Variants in MGAM2 observed in about 807,000 individuals in gnomAD.
MGAM2 encodes probable maltase-glucoamylase 2.
Under a neutral mutation model 96.1 loss-of-function variants are expected in MGAM2, and 98 were observed. That is an observed-to-expected ratio of 1.02 (90% CI 0.87 to 1.21). MGAM2 has a LOEUF of 1.21. MGAM2 is among the 50% of genes most tolerant of loss of function. The pLI is 0.00. For synonymous variants in MGAM2, 749 were observed against 414.8 expected (o/e 1.81, Z -9.79); for missense variants, 2,055 against 1,182.4 (o/e 1.74, Z -10.82).
At chr7:142,179,413 G>A (rs2129093615) in intron 32 of MGAM2, among the ~76,000 whole-genome samples, 1 of 152,266 alleles carries the variant, frequency 6.6e-6, no homozygotes, top group Middle Eastern at 3.4e-3. Context: ...AGTGATGAGA[G>A]GGGGCATCCT....
At chr7:142,211,830 A>G (rs964961643) in intron 46 of MGAM2, among the ~76,000 whole-genome samples, 1 of 152,210 alleles carries the variant, frequency 6.6e-6, no homozygotes, top group African/African-American at 2.4e-5. Flanking sequence ...AAATTCAGGA[A>G]ATACAGAGAA....
At chr7:142,140,662 A>G in intron 10 of MGAM2, 140 bp from the exon 11 acceptor site, 1 of 554,278 alleles carries the variant, frequency 1.8e-6, no homozygotes, top group East Asian at 3.0e-5. Context: ...ATTTTCTCCT[A>G]AGAAGTAGCC....
At position 142,117,317 on chromosome 7, in the gene MGAM2, C is replaced by T. The variant is rs922148672; in HGVS notation, c.106+338C>T. Among the ~76,000 whole-genome samples the T allele has an allele frequency of 2.0e-5, 3 of 152,124 alleles. No homozygotes were observed. The South Asian group carries it at 6.2e-4, about 32-fold the overall frequency. On this transcript the variant is annotated intron_variant, in intron 2 of 47. Coordinates refer to ENST00000477922, the MANE Select transcript of MGAM2 (RefSeq NM_001293626.2). ...ACTGTTAAGCTAACAGTGCCCAGCC[C>T]CATTATATTATGGAAAAGGAAACTA...
Position 142,220,188 on chromosome 7 carries a change from A to T in MGAM2, c.5677A>T (p.Thr1893Ser), listed in dbSNP as rs1797877705. ...PFPTSTTNASTNATVPITTTP... is the reference protein window; with the variant it reads ...PFPTSTTNASSNATVPITTTP... Reference sequence around the variant, plus strand: ...CCCTACAAGTACTACTAATGCTAGCACTAATGCTACTGTTCCTATCACAAC... The same window carrying T: ...CCCTACAAGTACTACTAATGCTAGCTCTAATGCTACTGTTCCTATCACAAC... Residue 1893 changes from threonine to serine, a missense_variant, in exon 48 of 48, where the codon ACT (threonine) becomes TCT (serine). Thr to Ser is a moderately conservative substitution (Grantham distance 58, BLOSUM62 1). Coordinates refer to ENST00000477922, the MANE Select transcript of MGAM2 (RefSeq NM_001293626.2). 4.3e-6 allele frequency: 3 copies of T among 702,798 alleles called. No individual in the cohort carries two copies. The East Asian group carries it at 8.0e-5, about 19-fold the overall frequency. The allele number at this position is 702,798 out of a possible 1,614,324, so 43.5% of individuals were successfully genotyped here.
At chr7:142,113,136 T>C (rs1039766417) in intron 1 of MGAM2, among the ~76,000 whole-genome samples, 2 of 151,734 alleles carry the variant, frequency 1.3e-5, no homozygotes, top group African/African-American at 4.8e-5. Flanking sequence ...TGGGGAGGAG[T>C]TGAGAAGAGC....
Position 142,170,145 on chromosome 7 carries a change from A to ACCC in MGAM2, c.3099_3101dup (p.Pro1034dup), listed in dbSNP as rs1037916368. 4.3e-6 allele frequency: 3 copies of ACCC among 702,722 alleles called. No individual in the cohort carries two copies. The African/African-American group carries it at 5.2e-5, about 12-fold the overall frequency. 43.5% of individuals were successfully genotyped at this position (702,722 alleles called of 1,614,324 possible). ...AACACCCCTCCCCAACCAGTTGGTG[A>ACCC]CCCTGAAAACCGTCTGTATGATGTC... On this transcript the variant is annotated inframe_insertion, in exon 27 of 48. Coordinates refer to ENST00000477922, the MANE Select transcript of MGAM2 (RefSeq NM_001293626.2).
chr7:142,146,288 G>T (rs1010968669), intron 14 of MGAM2, among the ~76,000 whole-genome samples: 1 of 150,942 alleles, frequency 6.6e-6, no homozygotes, highest in Non-Finnish European at 1.5e-5. Flanking sequence ...TTTGCTCATA[G>T]CCAGGCAGCC....
In MGAM2 at chr7:142,199,231, T is replaced by A. The variant is rs59985608; in HGVS notation, c.5048+492T>A. 8.4e-3 allele frequency among the ~76,000 whole-genome samples: 1,277 copies of A among 152,304 alleles called. 85 individuals carry two copies. The East Asian group carries it at 0.17, about 20-fold the overall frequency. On this transcript the variant is annotated intron_variant, in intron 44 of 47. Transcript: ENST00000477922. ...TAATATGTAAAAATTTATAAAATCA[T>A]TGATTAAACAGAACACGTCACATCA...
intron 32 of MGAM2, among the ~76,000 whole-genome samples, chr7:142,180,571 A>T (rs757608425): frequency 6.6e-6 from 1 of 152,154 alleles, no homozygotes; most frequent in Non-Finnish European, 1.5e-5. Context: ...TTAAATTCAC[A>T]TGTTGAACTC....
chr7:142,197,367 G>A (rs892370146), intron 40 of MGAM2, 33 bp from the exon 41 acceptor site: 11 of 699,592 alleles, frequency 1.6e-5, no homozygotes, highest in African/African-American at 1.4e-4. Flanking sequence ...ATGAAGAAGA[G>A]GTGATCCATT....
intron 2 of MGAM2, among the ~76,000 whole-genome samples, chr7:142,118,275 T>C (rs1794439389): frequency 6.6e-6 from 1 of 152,218 alleles, no homozygotes; most frequent in South Asian, 2.1e-4. Context: ...TTTATCCTTT[T>C]GTGACTGGCT....
chr7:142,176,229 G>C (rs772280460), intron 32 of MGAM2, among the ~76,000 whole-genome samples: 10 of 152,040 alleles, frequency 6.6e-5, no homozygotes, highest in Non-Finnish European at 1.5e-4. Context: ...AAATGGTAAG[G>C]CTCAGATGAC....
At chr7:142,117,307 G>T (rs1434985332) in intron 2 of MGAM2, among the ~76,000 whole-genome samples, 2 of 152,068 alleles carry the variant, frequency 1.3e-5, no homozygotes, top group Non-Finnish European at 2.9e-5. Context: ...TAAGCTAACA[G>T]TGCCCAGCCC....
intron 17 of MGAM2, among the ~76,000 whole-genome samples, chr7:142,156,586 C>T (rs1435668756): frequency 6.6e-6 from 1 of 152,168 alleles, no homozygotes; most frequent in East Asian, 1.9e-4. Context: ...TTCATGGCCA[C>T]CATAGTGGAC....
intron 32 of MGAM2, among the ~76,000 whole-genome samples, chr7:142,180,883 G>A (rs1445802376): frequency 6.6e-6 from 1 of 152,156 alleles, no homozygotes; most frequent in Non-Finnish European, 1.5e-5. Flanking sequence ...CAGAAGTTGA[G>A]TTTAGGAAGT....
chr7:142,183,950 C>CTTTTTTTTTTTTTTTT (rs748299647), intron 33 of MGAM2, among the ~76,000 whole-genome samples: 2 of 46,112 alleles, frequency 4.3e-5, no homozygotes, highest in Non-Finnish European at 9.8e-5. Flanking sequence ...TTCCAGGCTC[C>CTTTTTTTTTTTTTTTT]TTTTTTTTTT....
intron 12 of MGAM2, among the ~76,000 whole-genome samples, chr7:142,141,492 T>C (rs1443514596): frequency 6.6e-6 from 1 of 152,148 alleles, no homozygotes; most frequent in African/African-American, 2.4e-5. Flanking sequence ...ATTTTATTTT[T>C]TTTAAGTTTT....
chr7:142,154,143 G>T lies in MGAM2; in HGVS notation c.1760G>T (p.Trp587Leu). 1.5e-6 allele frequency: 1 copy of T among 678,558 alleles called. No individual in the cohort carries two copies. The highest frequency in any genetic ancestry group is 2.7e-5 in the East Asian group (1 of 37,054). The allele number at this position is 678,558 out of a possible 1,614,324, so 42.0% of individuals were successfully genotyped here. The stretch of plus-strand genomic sequence containing the variant: ...GCGGCCACATGGGATGACCTCCGAT[G>T]GTCTATCCCCACTATCCTTGAGTTC... ...DNAATWDDLR[W>L]SIPTILEFNL... The change falls in exon 16 of 48, where the codon TGG becomes TTG. Residue 587 changes from tryptophan (W) to leucine (L), a missense_variant. By Grantham distance (61) the Trp-to-Leu change is moderately conservative. Transcript: ENST00000477922.
intron 19 of MGAM2, 78 bp from the exon 20 acceptor site, chr7:142,159,209 A>G (rs1795820265): frequency 1.0e-5 from 7 of 687,040 alleles, no homozygotes; most frequent in Non-Finnish European, 1.6e-5. Context: ...AGATAGGCAC[A>G]TGTAATGATG....
Sources: allele counts gnomAD v4.1 joint callset (sites outside exome capture counted in the v4.1 genomes callset), GRCh38; gene constraint gnomAD v4.1.1; transcripts MANE v1.5; gene names NCBI Gene and HGNC (gene_info 2026-07-23, HGNC 2026-07-21).